CNTNAP4: variants seen among roughly 807,000 people sequenced by gnomAD.
The protein encoded by CNTNAP4 is contactin-associated protein-like 4.
A neutral mutation model predicts 148.4 loss-of-function variants in CNTNAP4; 98 were observed. That is an observed-to-expected ratio of 0.66 (90% CI 0.56 to 0.78). The LOEUF is 0.78. Among genes scored for constraint, CNTNAP4 ranks in the 30% least tolerant of loss-of-function variants. The pLI, the probability that CNTNAP4 is intolerant of heterozygous loss-of-function variation, is 0.00. For missense variants in CNTNAP4, 1,935 were observed against 1,565.6 expected (o/e 1.24, Z -3.98); for synonymous variants, 730 against 565.1 (o/e 1.29, Z -4.14).
intron 4 of CNTNAP4, among the ~76,000 whole-genome samples, chr16:76,447,308 C>G (rs924024124): frequency 2.1e-5 from 3 of 142,806 alleles, no homozygotes; most frequent in Non-Finnish European, 4.5e-5. Context: ...AAAGAAGACC[C>G]TGCCTGAAAA....
intron 4 of CNTNAP4, among the ~76,000 whole-genome samples, chr16:76,435,302 C>CCTAGA (rs1258918559): frequency 6.6e-6 from 1 of 152,110 alleles, no homozygotes; most frequent in African/African-American, 2.4e-5. Context: ...GGCTTCCTAT[C>CCTAGA]AGTTTTACTT....
chr16:76,498,417 C>T, intron 14 of CNTNAP4, 150 bp from the exon 15 acceptor site: 1 of 485,918 alleles, frequency 2.1e-6, no homozygotes, highest in South Asian at 3.7e-5. Flanking sequence ...GTAAATAAAT[C>T]AAATGTCATT....
In CNTNAP4 at chr16:76,544,653, T is replaced by G. The variant is rs146407355; in HGVS notation, c.3442+3863T>G. Among the ~76,000 whole-genome samples, 727 of 152,340 alleles carry G rather than the reference T, an allele frequency of 4.8e-3. 6 individuals carry two copies. The highest frequency in any genetic ancestry group is 0.017 in the African/African-American group (706 of 41,570). ...ATTGCATTTGCTTTTTATATTTAAT[T>G]TTACTATAAAATTAAGCTCTTGAGT... On this transcript the variant is annotated intron_variant, in intron 21 of 23. Transcript: ENST00000611870.
At chr16:76,441,849 G>A (rs2080054586) in intron 4 of CNTNAP4, among the ~76,000 whole-genome samples, 1 of 152,068 alleles carries the variant, frequency 6.6e-6, no homozygotes, top group African/African-American at 2.4e-5. Flanking sequence ...TGCTAATTGT[G>A]TGTCAGCTTC....
Position 76,355,904 on chromosome 16 carries a change from C to T in CNTNAP4, c.390+393C>T, listed in dbSNP as rs527368362. ...TATTTATTTATTTTTGAAACAGAGTCTCACTCTGTCACCCAGGCTGGTTGC... is the reference window on the plus strand; with the variant it reads ...TATTTATTTATTTTTGAAACAGAGTTTCACTCTGTCACCCAGGCTGGTTGC... On this transcript the variant is annotated intron_variant, in intron 3 of 23. Transcript: ENST00000611870. 2.5e-3 allele frequency among the ~76,000 whole-genome samples: 371 copies of T among 150,886 alleles called. 4 individuals are homozygous for T. The highest frequency in any genetic ancestry group is 4.6e-3 in the South Asian group (22 of 4,774).
intron 17 of CNTNAP4, among the ~76,000 whole-genome samples, chr16:76,526,502 A>G (rs1483821030): frequency 1.3e-5 from 2 of 152,080 alleles, no homozygotes; most frequent in Non-Finnish European, 2.9e-5. Context: ...TCCCTCTGAG[A>G]GATGATGGTG....
intron 4 of CNTNAP4, chr16:76,432,368 A>C (rs535838036): frequency 6.6e-6 from 1 of 152,206 alleles, no homozygotes; most frequent in African/African-American, 2.4e-5. Context: ...ATCAAAGAGC[A>C]TGTTCTACTT....
chr16:76,311,868 A>G (rs1961157811), intron 1 of CNTNAP4, among the ~76,000 whole-genome samples: 2 of 152,212 alleles, frequency 1.3e-5, no homozygotes, highest in South Asian at 4.1e-4. Context: ...TAAAGGGACC[A>G]GGATGATGTG....
At chr16:76,417,320 AT>A (rs2079024646) in intron 3 of CNTNAP4, among the ~76,000 whole-genome samples, 1 of 151,242 alleles carries the variant, frequency 6.6e-6, no homozygotes, top group South Asian at 2.1e-4. Context: ...TTAATTGAAA[AT>A]TTTTTTATGA....
chr16:76,517,730 A>G (rs1224249422), intron 15 of CNTNAP4, among the ~76,000 whole-genome samples: 1 of 152,180 alleles, frequency 6.6e-6, no homozygotes, highest in Non-Finnish European at 1.5e-5. Context: ...GGCTTTTAGT[A>G]TATCTACATT....
At position 76,553,418 on chromosome 16, in the gene CNTNAP4, T is replaced by C; in HGVS notation, c.3578T>C (p.Val1193Ala). The C allele has an allele frequency of 6.2e-7, 1 of 1,612,542 alleles. No individual in the cohort carries two copies. Among genetic ancestry groups the C allele is most frequent in the Middle Eastern group, 1.7e-4 (1 of 6,058 alleles). ...CCCAGCCACCCAGACCCTGTCACTG[T>C]TACAGGACACGTGACTGAGTCCAGC... ...LHPSHPDPVTVTGHVTESSCM... is the reference protein window; with the variant it reads ...LHPSHPDPVTATGHVTESSCM... Residue 1193 changes from valine (V) to alanine (A), a missense_variant, in exon 22 of 24, where the codon GTT becomes GCT. Val to Ala is a moderately conservative substitution (Grantham distance 64, BLOSUM62 0). Coordinates refer to ENST00000611870, the MANE Select transcript of CNTNAP4 (RefSeq NM_033401.5).
chr16:76,427,153 AT>A (rs1246295768), intron 3 of CNTNAP4, among the ~76,000 whole-genome samples: 1 of 152,120 alleles, frequency 6.6e-6, no homozygotes, highest in African/African-American at 2.4e-5. Context: ...GACATGGCAC[AT>A]TTTTACGTTT....
At chr16:76,391,209 C>T in intron 3 of CNTNAP4, among the ~76,000 whole-genome samples, 1 of 152,090 alleles carries the variant, frequency 6.6e-6, no homozygotes, top group East Asian at 1.9e-4. Context: ...TGACTGCTGG[C>T]CAAAGTGTAA....
intron 3 of CNTNAP4, among the ~76,000 whole-genome samples, chr16:76,372,057 G>T (rs1408078042): frequency 6.6e-6 from 1 of 151,792 alleles, no homozygotes. Context: ...TTAATCAACC[G>T]AATTTCCAAT....
At chr16:76,393,647 G>C (rs545159957) in intron 3 of CNTNAP4, among the ~76,000 whole-genome samples, 8 of 152,064 alleles carry the variant, frequency 5.3e-5, no homozygotes, top group Admixed American at 4.6e-4. Context: ...GGACTTCATG[G>C]GGGGTGGGTG....
At chr16:76,295,574 G>A (rs1033334018) in intron 1 of CNTNAP4, among the ~76,000 whole-genome samples, 1 of 151,970 alleles carries the variant, frequency 6.6e-6, no homozygotes, top group African/African-American at 2.4e-5. Flanking sequence ...AGTAATAAGA[G>A]CTACAGAAAA....
At chr16:76,294,095 G>A (rs1194733482) in intron 1 of CNTNAP4, among the ~76,000 whole-genome samples, 3 of 152,218 alleles carry the variant, frequency 2.0e-5, no homozygotes, top group East Asian at 3.9e-4. Flanking sequence ...TGGAGAGCGA[G>A]TAAGAAACCC....
chr16:76,513,212 C>G (rs1271736530), intron 15 of CNTNAP4, among the ~76,000 whole-genome samples: 1 of 152,084 alleles, frequency 6.6e-6, no homozygotes, highest in Non-Finnish European at 1.5e-5. Context: ...GGAAGGTGAA[C>G]AGGTGTGGTG....
intron 1 of CNTNAP4, among the ~76,000 whole-genome samples, chr16:76,300,110 G>A (rs1265720939): frequency 4.6e-5 from 7 of 152,028 alleles, no homozygotes; most frequent in African/African-American, 9.7e-5. Context: ...AAACCTGCAC[G>A]TTGTGCACAT....
Sources: gnomAD v4.1 joint callset for allele counts (sites outside exome capture counted in the v4.1 genomes callset) on GRCh38, gnomAD v4.1.1 for gene constraint, MANE v1.5 for transcripts, NCBI Gene and HGNC (gene_info 2026-07-23, HGNC 2026-07-21) for gene names.